KCNIP4: variants seen among roughly 807,000 people sequenced by gnomAD.
KCNIP4 encodes potassium voltage-gated channel interacting protein 4.
In KCNIP4, 12 loss-of-function variants were observed where a neutral mutation model predicts 34.0. That is an observed-to-expected ratio of 0.35 (90% CI 0.23 to 0.57). The LOEUF is 0.57. KCNIP4 is among the 20% of genes least tolerant of loss of function. KCNIP4 has a pLI of 0.83. For missense variants in KCNIP4, 238 were observed against 311.7 expected, an observed-to-expected ratio of 0.76 and a Z score of 1.78; for synonymous variants, 124 against 102.2, an observed-to-expected ratio of 1.21 and a Z score of -1.29.
At chr4:21,587,949 T>C (rs1231558389) in intron 1 of KCNIP4, among the ~76,000 whole-genome samples, 1 of 152,066 alleles carries the variant, frequency 6.6e-6, no homozygotes, top group East Asian at 1.9e-4. Flanking sequence ...CATGAATCAG[T>C]TGCATTCCAT....
intron 1 of KCNIP4, among the ~76,000 whole-genome samples, chr4:21,880,246 T>A (rs748500149): frequency 6.6e-6 from 1 of 152,206 alleles, no homozygotes; most frequent in Non-Finnish European, 1.5e-5. Context: ...TTTTATTATT[T>A]AAAAATAGCC....
chr4:21,636,824 T>C (rs1427487125), intron 1 of KCNIP4, among the ~76,000 whole-genome samples: 1 of 152,074 alleles, frequency 6.6e-6, no homozygotes, highest in African/African-American at 2.4e-5. Context: ...ACAAATTACT[T>C]AACACAAAGC....
At chr4:21,578,645 T>G (rs1310459921) in intron 1 of KCNIP4, among the ~76,000 whole-genome samples, 1 of 152,160 alleles carries the variant, frequency 6.6e-6, no homozygotes, top group Non-Finnish European at 1.5e-5. Flanking sequence ...CCGTGCCATC[T>G]CAACCCCTGG....
At chr4:21,668,469 CT>C (rs1385460950) in intron 1 of KCNIP4, among the ~76,000 whole-genome samples, 1 of 152,038 alleles carries the variant, frequency 6.6e-6, no homozygotes, top group African/African-American at 2.4e-5. Context: ...TATGTGAAAA[CT>C]TTTTCAATCA....
chr4:20,827,929 TAATAA>T (rs66880201), intron 3 of KCNIP4, among the ~76,000 whole-genome samples: 27,843 of 151,836 alleles, frequency 0.18, 2,663 homozygotes, highest in South Asian at 0.38. Context: ...TCTATTAGGG[TAATAA>T]AATAACCTGC....
intron 1 of KCNIP4, among the ~76,000 whole-genome samples, chr4:21,225,526 C>T (rs1758314972): frequency 6.6e-6 from 1 of 152,072 alleles, no homozygotes; most frequent in South Asian, 2.1e-4. Context: ...TCCCCTGTTA[C>T]TCTTAGAAGT....
At chr4:20,803,107 T>C (rs933530606) in intron 3 of KCNIP4, among the ~76,000 whole-genome samples, 29 of 132,472 alleles carry the variant, frequency 2.2e-4, no homozygotes, top group Non-Finnish European at 2.8e-4. Flanking sequence ...AATCTTGAGA[T>C]AAATGACAAT....
intron 3 of KCNIP4, among the ~76,000 whole-genome samples, chr4:20,802,749 T>C (rs1175879182): frequency 6.6e-6 from 1 of 152,010 alleles, no homozygotes; most frequent in African/African-American, 2.4e-5. Flanking sequence ...AAACAACAAA[T>C]GGGTTGAAGA....
At position 21,655,317 on chromosome 4, in the gene KCNIP4, C is replaced by A. The variant is rs569149751; in HGVS notation, c.61+293254G>T. 9.5e-4 allele frequency among the ~76,000 whole-genome samples: 145 copies of A among 152,146 alleles called. 4 individuals are homozygous for A. The South Asian group carries it at 0.024, about 25-fold the overall frequency. ...CTGCAATGCAAGCCAAAGAACTAAT[C>A]ATGGCCATCTGATCATCATGCCCCA... On this transcript the variant is annotated intron_variant, in intron 1 of 8. Transcript: ENST00000382152.
chr4:21,240,259 G>A (rs1364203589), intron 1 of KCNIP4, among the ~76,000 whole-genome samples: 3 of 149,822 alleles, frequency 2.0e-5, no homozygotes, highest in Non-Finnish European at 3.0e-5. Flanking sequence ...AGCATTAGGA[G>A]ATATACCTAA....
At chr4:21,419,678 G>A (rs935259015) in intron 1 of KCNIP4, among the ~76,000 whole-genome samples, 7 of 152,100 alleles carry the variant, frequency 4.6e-5, no homozygotes, top group Non-Finnish European at 1.0e-4. Flanking sequence ...TAAAGCATAG[G>A]AGGAAAAGTA....
intron 1 of KCNIP4, among the ~76,000 whole-genome samples, chr4:21,086,989 C>CTT (rs559696005): frequency 6.3e-5 from 8 of 126,824 alleles, no homozygotes; most frequent in African/African-American, 1.7e-4. Flanking sequence ...CTCTTTCTTT[C>CTT]TTTTTTTTTT....
At chr4:21,731,482 T>C (rs184503011) in intron 1 of KCNIP4, among the ~76,000 whole-genome samples, 1 of 152,304 alleles carries the variant, frequency 6.6e-6, no homozygotes, top group African/African-American at 2.4e-5. Flanking sequence ...CGCTGTATTT[T>C]AGTTGGACTA....
chr4:21,226,349 G>A (rs1435480065), intron 1 of KCNIP4, among the ~76,000 whole-genome samples: 2 of 124,212 alleles, frequency 1.6e-5, no homozygotes, highest in South Asian at 5.9e-4. Context: ...AGGAAGAGAA[G>A]GAAGAGAAGG....
intron 1 of KCNIP4, among the ~76,000 whole-genome samples, chr4:21,870,327 C>A (rs1035266692): frequency 9.2e-5 from 14 of 152,140 alleles, no homozygotes; most frequent in African/African-American, 3.4e-4. Flanking sequence ...ACTGAAAGCC[C>A]AGGAAACTAC....
intron 1 of KCNIP4, among the ~76,000 whole-genome samples, chr4:21,504,030 T>C (rs1167069491): frequency 1.3e-5 from 2 of 152,186 alleles, no homozygotes; most frequent in Non-Finnish European, 2.9e-5. Context: ...TTAATTCCCA[T>C]GCTCCAATTC....
At chr4:21,258,429 C>A (rs1761224255) in intron 1 of KCNIP4, among the ~76,000 whole-genome samples, 2 of 152,062 alleles carry the variant, frequency 1.3e-5, no homozygotes, top group South Asian at 2.1e-4. Flanking sequence ...CTACGTGACC[C>A]CGACCTTTTC....
chr4:21,757,197 AGG>A (rs1271955002), intron 1 of KCNIP4, among the ~76,000 whole-genome samples: 1 of 41,656 alleles, frequency 2.4e-5, no homozygotes, highest in Non-Finnish European at 4.4e-5. Context: ...GAAGGAAGGA[AGG>A]AAAGAAAGAA....
At chr4:21,415,516 A>AC (rs1724875086) in intron 1 of KCNIP4, among the ~76,000 whole-genome samples, 2 of 149,096 alleles carry the variant, frequency 1.3e-5, no homozygotes, top group Admixed American at 6.7e-5. Context: ...ACATGGCAAA[A>AC]CCCCATCTCT....
Sources: allele counts gnomAD v4.1 joint callset (sites outside exome capture counted in the v4.1 genomes callset), GRCh38; gene constraint gnomAD v4.1.1; transcripts MANE v1.5; gene names NCBI Gene and HGNC (gene_info 2026-07-23, HGNC 2026-07-21).